Variants in ATP2B3 observed in about 807,000 individuals in gnomAD.
The protein encoded by ATP2B3 is ATPase plasma membrane Ca2+ transporting 3.
Under a neutral mutation model 70.8 loss-of-function variants are expected in ATP2B3, and 12 were observed. The ratio of observed to expected loss-of-function variants is 0.17; its 90% CI spans 0.11 to 0.27. ATP2B3 has a LOEUF of 0.27. Among genes scored for constraint, ATP2B3 ranks in the 10% least tolerant of loss-of-function variants. ATP2B3 has a pLI of 1.00. For synonymous variants in ATP2B3, 460 were observed against 497.8 expected, an observed-to-expected ratio of 0.92 and a Z score of 1.01; for missense variants, 858 against 1,118.5, an observed-to-expected ratio of 0.77 and a Z score of 3.32.
intron 2 of ATP2B3, among the ~76,000 whole-genome samples, chrX:153,526,167 G>T (rs2090030189): frequency 8.9e-6 from 1 of 112,826 alleles, no homozygotes; most frequent in African/African-American, 3.2e-5. Context: ...CACCCCTTCA[G>T]GTCCTGTCCC....
intron 2 of ATP2B3, among the ~76,000 whole-genome samples, chrX:153,535,835 A>G (rs932332869): frequency 1.8e-5 from 2 of 111,914 alleles, no homozygotes; most frequent in Admixed American, 9.4e-5. Flanking sequence ...CCAGCTAGCT[A>G]GTGTTAACCA....
rs187103689 is a variant in ATP2B3 at position 153,529,769 on chromosome X, T to G, written c.-126-6353T>G. Among the ~76,000 whole-genome samples the G allele has an allele frequency of 3.8e-4, 42 of 111,031 alleles. No homozygotes were observed. In the East Asian group the frequency reaches 5.2e-3, roughly 14 times the overall value. On this transcript the variant is annotated intron_variant, in intron 2 of 21. Transcript: ENST00000263519. ...CCCTTCCACTGTCCGTCCCCTCAGATTTCACAGCTCTCCTATGAGGCCCTC... is the reference window on the plus strand; with the variant it reads ...CCCTTCCACTGTCCGTCCCCTCAGAGTTCACAGCTCTCCTATGAGGCCCTC...
chrX:153,549,621 C>A lies in ATP2B3; in HGVS notation c.1463C>A (p.Ser488Tyr), dbSNP rs782682184. Residue 488 changes from serine to tyrosine, a missense_variant, in exon 11 of 22, where the codon TCC (serine) becomes TAC (tyrosine). This residue lies in a region of ATP2B3 where 242 missense variants were observed against 281.3 expected (regional missense o/e 0.86). Transcript: ENST00000263519. Reference sequence around the variant, plus strand: ...ACCAACCGTATGACCGTGGTCCAGTCCTACCTAGGAGACACCCACTACAAA... The same window carrying A: ...ACCAACCGTATGACCGTGGTCCAGTACTACCTAGGAGACACCCACTACAAA... Reference protein sequence around the residue: ...LTTNRMTVVQSYLGDTHYKEI... With the variant: ...LTTNRMTVVQYYLGDTHYKEI... The A allele has an allele frequency of 8.2e-7, 1 of 1,212,463 alleles. No individual in the cohort carries two copies. The highest frequency in any genetic ancestry group is 1.8e-5 in the South Asian group (1 of 57,055).
In ATP2B3 at chrX:153,556,406, A is replaced by G. The variant is rs1603090621; in HGVS notation, c.2314A>G (p.Thr772Ala). 8.3e-7 allele frequency: 1 copy of G among 1,204,413 alleles called. No individual in the cohort carries two copies. The highest frequency in any genetic ancestry group is 1.1e-6 in the Non-Finnish European group (1 of 892,397). The change falls in exon 15 of 22, where the codon ACA becomes GCA. Residue 772 changes from threonine (T) to alanine (A), a missense_variant. This residue lies in a region of ATP2B3 where 242 missense variants were observed against 281.3 expected (regional missense o/e 0.86). Transcript: ENST00000263519. ...CCGGTCGTCTCCCACCGACAAGCAC[A>G]CACTGGTCAAAGGTAGCCGAGCCCC... is the stretch of plus-strand genomic sequence containing the variant. ...LARSSPTDKH[T>A]LVKGIIDSTT...
intron 17 of ATP2B3, 80 bp downstream of exon 17, chrX:153,558,383 T>C: frequency 2.1e-6 from 2 of 963,882 alleles, no homozygotes; most frequent in East Asian, 3.2e-5. Flanking sequence ...GTGAGGGTTT[T>C]GTTTTCTTTG....
intron 3 of ATP2B3, among the ~76,000 whole-genome samples, chrX:153,537,140 A>C (rs1423132064): frequency 9.7e-5 from 11 of 113,118 alleles, no homozygotes; most frequent in Admixed American, 9.2e-4. Flanking sequence ...AGGCCTGACT[A>C]TCCCTGTGGG....
At chrX:153,563,190 G>A (rs1489643124) in intron 20 of ATP2B3, among the ~76,000 whole-genome samples, 2 of 78,667 alleles carry the variant, frequency 2.5e-5, no homozygotes, top group Non-Finnish European at 4.5e-5. Context: ...TGCCCAATGT[G>A]GAGTGCAGTG....
intron 7 of ATP2B3, among the ~76,000 whole-genome samples, chrX:153,545,691 G>A (rs1307196957): frequency 9.8e-5 from 11 of 112,323 alleles, no homozygotes; most frequent in African/African-American, 3.2e-4. Context: ...GGGCAGCTGG[G>A]TGCTGTCTGC....
chrX:153,537,630 G>A (rs782533445), intron 3 of ATP2B3, among the ~76,000 whole-genome samples: 7 of 112,694 alleles, frequency 6.2e-5, no homozygotes, highest in South Asian at 7.3e-4. Context: ...CGTGACACCC[G>A]GCCTCGCCGC....
rs2980067 is a variant in ATP2B3, at chrX:153,524,066, A to G, written c.-127+5515A>G. ...CAATTTAACAGATTTGTTGCAAATA[A>G]TTTTTAAGACCTTTGTTCTTTGCCA... On this transcript the variant is annotated intron_variant, in intron 2 of 21. Coordinates refer to ENST00000263519, the MANE Select transcript of ATP2B3 (RefSeq NM_001001344.3). Among the ~76,000 whole-genome samples, 982 of 103,427 alleles carry G rather than the reference A, an allele frequency of 9.5e-3. 11 individuals are homozygous for G. Among genetic ancestry groups the G allele is most frequent in the African/African-American group, 0.035 (920 of 25,916 alleles). The allele number at this position is 103,427 out of a possible 115,157, so 89.8% of individuals were successfully genotyped here. A position where few individuals can be genotyped will look rare whatever the true frequency, so the allele number is the denominator to read the frequency against.
At chrX:153,557,055 C>T (rs781949142) in intron 16 of ATP2B3, 32 bp downstream of exon 16, 35 of 1,112,393 alleles carry the variant, frequency 3.1e-5, no homozygotes, top group African/African-American at 5.4e-5. Flanking sequence ...CAGCTCACCA[C>T]GGCAGATGGG....
intron 20 of ATP2B3, among the ~76,000 whole-genome samples, chrX:153,563,136 C>CTTTTTTTTT (rs36131654): frequency 1.2e-4 from 6 of 48,792 alleles, no homozygotes; most frequent in Admixed American, 7.6e-4. Flanking sequence ...CTGGCTTTTC[C>CTTTTTTTTT]TTTTTTTTTT....
intron 9 of ATP2B3, 104 bp downstream of exon 9, chrX:153,548,103 G>A (rs782506933): frequency 1.4e-4 from 143 of 1,033,410 alleles, no homozygotes; most frequent in Non-Finnish European, 1.8e-4. Flanking sequence ...GGGAAGGGAT[G>A]TGGCAGGTGA....
chrX:153,578,843 G>A (rs782120585), intron 21 of ATP2B3, among the ~76,000 whole-genome samples: 1 of 112,491 alleles, frequency 8.9e-6, no homozygotes, highest in Non-Finnish European at 1.9e-5. Context: ...GAGGACAGGC[G>A]GAGTGAGGTC....
chrX:153,523,672 A>G (rs963547621), intron 2 of ATP2B3, among the ~76,000 whole-genome samples: 7 of 96,183 alleles, frequency 7.3e-5, no homozygotes, highest in Admixed American at 1.2e-4. Context: ...CTTGTGAATT[A>G]TCTGTTCCTC....
chrX:153,538,187 G>T (rs1424053943), intron 3 of ATP2B3, among the ~76,000 whole-genome samples: 2 of 112,984 alleles, frequency 1.8e-5, no homozygotes, highest in Non-Finnish European at 3.8e-5. Flanking sequence ...CCCGGACCCT[G>T]GTGCTCAGAC....
At chrX:153,537,587 C>A (rs151068675) in intron 3 of ATP2B3, among the ~76,000 whole-genome samples, 10 of 113,092 alleles carry the variant, frequency 8.8e-5, no homozygotes, top group African/African-American at 2.9e-4. Flanking sequence ...CTGCCTGGGT[C>A]TCCCTAGCTT....
chrX:153,527,514 G>A (rs1227206279), intron 2 of ATP2B3, among the ~76,000 whole-genome samples: 3 of 112,649 alleles, frequency 2.7e-5, no homozygotes, highest in East Asian at 5.6e-4. Context: ...CTGCTCCCTC[G>A]CTCTCTCCTT....
At chrX:153,577,267 G>C (rs1437516244) in intron 21 of ATP2B3, among the ~76,000 whole-genome samples, 1 of 112,936 alleles carries the variant, frequency 8.9e-6, no homozygotes, top group African/African-American at 3.2e-5. Context: ...GGAAGGGCTG[G>C]CTCCGTGGCC....
Sources: allele counts gnomAD v4.1 joint callset (sites outside exome capture counted in the v4.1 genomes callset), GRCh38; gene constraint gnomAD v4.1.1; regional missense constraint gnomAD v4.1.1; transcripts MANE v1.5; gene names NCBI Gene and HGNC (gene_info 2026-07-23, HGNC 2026-07-21).